XPR1: variants seen among roughly 807,000 people sequenced by gnomAD.
XPR1 encodes solute carrier family 53 member 1.
A neutral mutation model predicts 87.5 loss-of-function variants in XPR1; 28 were observed. The ratio of observed to expected loss-of-function variants is 0.32; its 90% CI spans 0.24 to 0.44. The LOEUF is 0.44. Among genes scored for constraint, XPR1 ranks in the 20% least tolerant of loss-of-function variants. XPR1 has a pLI of 1.00. For missense variants in XPR1, 559 were observed against 862.3 expected (o/e 0.65, Z 4.41); for synonymous variants, 300 against 306.1 (o/e 0.98, Z 0.21).
intron 2 of XPR1, among the ~76,000 whole-genome samples, chr1:180,738,828 T>C (rs73034877): frequency 0.043 from 6,520 of 152,230 alleles, 499 homozygotes; most frequent in African/African-American, 0.15. Flanking sequence ...TCCAAGTCTG[T>C]AGATTATAGT....
rs1241785283 is a variant in XPR1, at chr1:180,836,593, T to C, written c.1378T>C (p.Phe460Leu). Residue 460 changes from phenylalanine to leucine, a missense_variant, in exon 11 of 15, where the codon TTC becomes CTC. Physicochemically the swap from Phe to Leu is conservative, Grantham distance 22 (BLOSUM62 0). Around this residue, in one of 7 missense-constraint regions of XPR1, gnomAD observed 264 missense variants for 377.2 expected, o/e 0.70. Coordinates refer to ENST00000367590, the MANE Select transcript of XPR1 (RefSeq NM_004736.4). ...IVQCIPAWLRFIQCLRRYRDT... is the reference protein window; with the variant it reads ...IVQCIPAWLRLIQCLRRYRDT... ...TCAGTGCATTCCTGCTTGGCTTCGC[T>C]TCATCCAGTGCCTGCGCCGATATCG... is the stretch of plus-strand genomic sequence containing the variant. The C allele has an allele frequency of 6.2e-7, 1 of 1,614,114 alleles. No individual in the cohort carries two copies. The highest frequency in any genetic ancestry group is 1.3e-5 in the African/African-American group (1 of 74,928).
chr1:180,725,599 A>G (rs1182370184), intron 2 of XPR1, among the ~76,000 whole-genome samples: 4 of 152,178 alleles, frequency 2.6e-5, no homozygotes, highest in African/African-American at 7.2e-5. Flanking sequence ...ATATTTTTGC[A>G]TTCTCTTGCA....
chr1:180,761,677 T>C (rs1230467243), intron 2 of XPR1, among the ~76,000 whole-genome samples: 1 of 152,192 alleles, frequency 6.6e-6, no homozygotes, highest in Non-Finnish European at 1.5e-5. Flanking sequence ...TTGGTGGGAC[T>C]GTAAACTAGT....
intron 13 of XPR1, among the ~76,000 whole-genome samples, chr1:180,875,658 TAAG>T (rs1372464250): frequency 6.6e-6 from 1 of 150,486 alleles, no homozygotes. Context: ...GCTCAGGAAA[TAAG>T]AAAGATTTAA....
At chr1:180,789,032 A>G (rs1468822882) in intron 3 of XPR1, among the ~76,000 whole-genome samples, 2 of 152,174 alleles carry the variant, frequency 1.3e-5, no homozygotes, top group African/African-American at 4.8e-5. Context: ...GAGTATTGGG[A>G]GACAGGAGAT....
intron 14 of XPR1, among the ~76,000 whole-genome samples, chr1:180,880,555 T>G (rs1053168106): frequency 6.6e-6 from 1 of 152,212 alleles, no homozygotes; most frequent in African/African-American, 2.4e-5. Context: ...AGGAAAAGGT[T>G]GTTGGAGAGT....
intron 6 of XPR1, among the ~76,000 whole-genome samples, chr1:180,807,737 G>A (rs1388981204): frequency 6.6e-6 from 1 of 152,298 alleles, no homozygotes; most frequent in East Asian, 1.9e-4. Flanking sequence ...AGGCACGATG[G>A]CTCATGCCTG....
At chr1:180,707,160 T>C (rs1218229944) in intron 2 of XPR1, among the ~76,000 whole-genome samples, 1 of 152,208 alleles carries the variant, frequency 6.6e-6, no homozygotes, top group Non-Finnish European at 1.5e-5. Context: ...AGTTACATGG[T>C]GAGAAAACCA....
At chr1:180,846,887 G>A (rs1651703951) in intron 11 of XPR1, among the ~76,000 whole-genome samples, 1 of 151,184 alleles carries the variant, frequency 6.6e-6, no homozygotes, top group South Asian at 2.1e-4. Context: ...CCACTTAATA[G>A]GAAGGAAAAT....
chr1:180,791,049 A>C (rs1649359545), intron 3 of XPR1, among the ~76,000 whole-genome samples: 1 of 152,196 alleles, frequency 6.6e-6, no homozygotes, highest in Admixed American at 6.5e-5. Context: ...TTGCAGTGAA[A>C]CAAATGTCTA....
At chr1:180,878,482 T>A (rs1309719797) in intron 13 of XPR1, among the ~76,000 whole-genome samples, 1 of 152,226 alleles carries the variant, frequency 6.6e-6, no homozygotes, top group African/African-American at 2.4e-5. Context: ...ATAATAATAT[T>A]GTAGTGCCTA....
chr1:180,780,847 A>G (rs189649896), intron 2 of XPR1, among the ~76,000 whole-genome samples: 3 of 151,168 alleles, frequency 2.0e-5, no homozygotes, highest in East Asian at 3.9e-4. Flanking sequence ...TAGTCCTGAT[A>G]TGGGTTTGCA....
At chr1:180,808,980 A>G (rs1650103850) in intron 6 of XPR1, among the ~76,000 whole-genome samples, 1 of 152,214 alleles carries the variant, frequency 6.6e-6, no homozygotes, top group South Asian at 2.1e-4. Flanking sequence ...AGATTTCTAC[A>G]CAAATGTTCA....
intron 1 of XPR1, among the ~76,000 whole-genome samples, chr1:180,681,262 A>G (rs954373613): frequency 2.0e-5 from 3 of 152,234 alleles, no homozygotes; most frequent in African/African-American, 4.8e-5. Flanking sequence ...TGGATATCCT[A>G]ATTACCCTGA....
Position 180,716,574 on chromosome 1 carries a change from T to A in XPR1, c.121+34163T>A, listed in dbSNP as rs536764857. Reference sequence around the variant, plus strand: ...TTTTCTGGTTTTTAAAAGTATAAGCTTTTGTCTCTGCTAAAATCTCTGTTG... The same window carrying A: ...TTTTCTGGTTTTTAAAAGTATAAGCATTTGTCTCTGCTAAAATCTCTGTTG... On this transcript the variant is annotated intron_variant, in intron 2 of 14. Transcript: ENST00000367590. 5.9e-5 allele frequency among the ~76,000 whole-genome samples: 9 copies of A among 152,352 alleles called. 1 individual carries two copies. In the South Asian group the frequency reaches 1.9e-3, roughly 32 times the overall value.
At chr1:180,721,094 C>T (rs868300559) in intron 2 of XPR1, among the ~76,000 whole-genome samples, 1 of 151,612 alleles carries the variant, frequency 6.6e-6, no homozygotes. Flanking sequence ...TTGGCTGGGA[C>T]GTGGTAATTC....
At chr1:180,724,302 G>A (rs1483868767) in intron 2 of XPR1, among the ~76,000 whole-genome samples, 1 of 152,160 alleles carries the variant, frequency 6.6e-6, no homozygotes, top group Non-Finnish European at 1.5e-5. Flanking sequence ...AGTAAGCACA[G>A]TGCCTTGGGC....
intron 11 of XPR1, among the ~76,000 whole-genome samples, chr1:180,862,655 AG>A (rs1176038469): frequency 6.6e-6 from 1 of 152,088 alleles, no homozygotes; most frequent in African/African-American, 2.4e-5. Context: ...TAAACTTCTA[AG>A]GGGTGCCTTT....
chr1:180,669,573 G>A (rs7526917), intron 1 of XPR1, among the ~76,000 whole-genome samples: 6,519 of 152,056 alleles, frequency 0.043, 498 homozygotes, highest in African/African-American at 0.15. Context: ...TGTTGGCCAG[G>A]CTGGTCTCAA....
Sources: allele counts gnomAD v4.1 joint callset (sites outside exome capture counted in the v4.1 genomes callset), GRCh38; gene constraint gnomAD v4.1.1; regional missense constraint gnomAD v4.1.1; transcripts MANE v1.5; gene names NCBI Gene and HGNC (gene_info 2026-07-23, HGNC 2026-07-21).